The following SH3PXD2B variants were observed in gnomAD, a reference collection of about 807,000 sequenced individuals.
SH3PXD2B encodes the protein SH3 and PX domain-containing protein 2B.
In SH3PXD2B, 37 loss-of-function variants were observed where a neutral mutation model predicts 73.1. The observed-to-expected ratio is 0.51, with a 90% confidence interval of 0.39 to 0.67. The LOEUF is 0.67. Among genes scored for constraint, SH3PXD2B ranks in the 30% least tolerant of loss-of-function variants. The pLI is 0.00. For synonymous variants in SH3PXD2B, 457 were observed against 480.5 expected (o/e 0.95, Z 0.64); for missense variants, 1,053 against 1,197.8 (o/e 0.88, Z 1.78).
At chr5:172,430,695 G>GT (rs1414375206) in intron 1 of SH3PXD2B, among the ~76,000 whole-genome samples, 3 of 152,228 alleles carry the variant, frequency 2.0e-5, no homozygotes, top group African/African-American at 7.2e-5. Context: ...CTCATGGATG[G>GT]TGTTAGGTGT....
At chr5:172,350,303 G>T in intron 10 of SH3PXD2B, 60 bp downstream of exon 10, 1 of 1,550,806 alleles carries the variant, frequency 6.4e-7, no homozygotes, top group South Asian at 1.1e-5. Flanking sequence ...GAGACGCCTT[G>T]AGCACAGAGC....
intron 1 of SH3PXD2B, among the ~76,000 whole-genome samples, chr5:172,427,480 G>C (rs1454675367): frequency 6.6e-6 from 1 of 152,096 alleles, no homozygotes; most frequent in Non-Finnish European, 1.5e-5. Context: ...GAAGTAGCTG[G>C]GACTACAGGC....
At chr5:172,452,759 T>A (rs1759825439) in intron 1 of SH3PXD2B, among the ~76,000 whole-genome samples, 1 of 152,144 alleles carries the variant, frequency 6.6e-6, no homozygotes, top group Non-Finnish European at 1.5e-5. Context: ...GAAAACTGTC[T>A]TCATGCCAAA....
Position 172,347,175 on chromosome 5 carries a change from C to T in SH3PXD2B, c.1062+108G>A, listed in dbSNP as rs568567870. 47 of 1,111,840 alleles carry T rather than the reference C, an allele frequency of 4.2e-5. No individual in the cohort carries two copies. In the African/African-American group the frequency reaches 6.9e-4, roughly 16 times the overall value. 68.9% of individuals were successfully genotyped at this position (1,111,840 alleles called of 1,614,324 possible). A position where few individuals can be genotyped will look rare whatever the true frequency, so the allele number is the denominator to read the frequency against. On this transcript the variant is annotated intron_variant, in intron 11 of 12. Coordinates refer to ENST00000311601, the MANE Select transcript of SH3PXD2B (RefSeq NM_001017995.3). The stretch of plus-strand genomic sequence containing the variant: ...CTGCTTCACAAGGCTGTTGTGTGGA[C>T]AGGAAAGAGAGCATTTCTGGAAGGG...
intron 6 of SH3PXD2B, among the ~76,000 whole-genome samples, chr5:172,373,388 G>T (rs1157974198): frequency 6.6e-6 from 1 of 152,190 alleles, no homozygotes; most frequent in African/African-American, 2.4e-5. Flanking sequence ...ATATTGCTCT[G>T]TATAAAGTGG....
chr5:172,420,184 T>G (rs1758927421), intron 2 of SH3PXD2B, among the ~76,000 whole-genome samples: 2 of 152,244 alleles, frequency 1.3e-5, no homozygotes, highest in Non-Finnish European at 2.9e-5. Context: ...TCTTAGCATC[T>G]TTAACTTATA....
intron 1 of SH3PXD2B, among the ~76,000 whole-genome samples, chr5:172,447,569 A>G (rs959550864): frequency 6.6e-6 from 1 of 152,134 alleles, no homozygotes; most frequent in Non-Finnish European, 1.5e-5. Context: ...AATTGGAACT[A>G]TTTTTATCCT....
chr5:172,419,286 T>C (rs1028975725), intron 2 of SH3PXD2B, among the ~76,000 whole-genome samples: 1 of 151,866 alleles, frequency 6.6e-6, no homozygotes, highest in Non-Finnish European at 1.5e-5. Context: ...ATGTCAGCAA[T>C]GAACAACATT....
At chr5:172,426,850 C>T (rs775564776) in intron 1 of SH3PXD2B, among the ~76,000 whole-genome samples, 1 of 152,210 alleles carries the variant, frequency 6.6e-6, no homozygotes, top group Non-Finnish European at 1.5e-5. Flanking sequence ...CCCGTGGCAA[C>T]ATTTGAACCC....
At chr5:172,403,306 C>G (rs1031019603) in intron 3 of SH3PXD2B, among the ~76,000 whole-genome samples, 5 of 152,256 alleles carry the variant, frequency 3.3e-5, no homozygotes, top group East Asian at 3.8e-4. Flanking sequence ...TCCCCTCCCC[C>G]GCCTTTGTGC....
In SH3PXD2B at chr5:172,335,744, A is replaced by G. The variant is rs1056456035; in HGVS notation, c.*2625T>C. 7 of 1,231,098 alleles carry G rather than the reference A, an allele frequency of 5.7e-6. No homozygotes were observed. Among genetic ancestry groups the G allele is most frequent in the Non-Finnish European group, 7.1e-6 (7 of 987,728 alleles). The allele number at this position is 1,231,098 out of a possible 1,614,324, so 76.3% of individuals were successfully genotyped here. On this transcript the variant is annotated 3_prime_UTR_variant, in exon 13 of 13. Coordinates refer to ENST00000311601, the MANE Select transcript of SH3PXD2B (RefSeq NM_001017995.3). ...TGGGGTAAATCTAAGTCCCCAGGCA[A>G]GGACAGCTAGGAGAGTGACTGGCCA...
intron 3 of SH3PXD2B, among the ~76,000 whole-genome samples, chr5:172,397,685 G>GGCACCCAACATGGTCTTTCTTTTT (rs1758335732): frequency 6.6e-6 from 1 of 152,202 alleles, no homozygotes; most frequent in Admixed American, 6.5e-5. Flanking sequence ...CCCGATATCT[G>GGCACCCAACATGGTCTTTCTTTTT]GCACCCAACA....
At chr5:172,438,236 C>G (rs928937338) in intron 1 of SH3PXD2B, among the ~76,000 whole-genome samples, 8 of 152,174 alleles carry the variant, frequency 5.3e-5, no homozygotes, top group African/African-American at 1.9e-4. Flanking sequence ...TCCTTGGAAG[C>G]CTTCCTGGAC....
At chr5:172,453,880 G>C (rs1300612960) in intron 1 of SH3PXD2B, among the ~76,000 whole-genome samples, 1 of 152,152 alleles carries the variant, frequency 6.6e-6, no homozygotes, top group South Asian at 2.1e-4. Context: ...GACAAGGAGG[G>C]GCAAGGCGGG....
chr5:172,453,347 C>A (rs1759845432), intron 1 of SH3PXD2B, among the ~76,000 whole-genome samples: 2 of 152,198 alleles, frequency 1.3e-5, no homozygotes, highest in Non-Finnish European at 1.5e-5. Context: ...TGAGGCCCTC[C>A]CCAAGGCCTC....
chr5:172,422,596 G>A (rs956548576), intron 1 of SH3PXD2B, 100 bp from the exon 2 acceptor site: 6 of 1,138,106 alleles, frequency 5.3e-6, no homozygotes, highest in Non-Finnish European at 7.7e-6. Context: ...GAAAGACGTG[G>A]GTTTCAGCCT....
chr5:172,329,083 A>T (rs1808387), downstream of SH3PXD2B, among the ~76,000 whole-genome samples: 25,083 of 61,710 alleles, frequency 0.41, 5,925 homozygotes, highest in South Asian at 0.53. Context: ...ATATATATAT[A>T]TTTTTTTTTT....
intron 2 of SH3PXD2B, among the ~76,000 whole-genome samples, chr5:172,419,415 AG>A (rs1261099193): frequency 2.0e-5 from 3 of 152,250 alleles, no homozygotes; most frequent in Admixed American, 6.5e-5. Context: ...ACTATGATCC[AG>A]GGCCCTTAGG....
Position 172,339,673 on chromosome 5 carries a change from T to A in SH3PXD2B, c.1432A>T (p.Met478Leu), listed in dbSNP as rs770039296. The change falls in exon 13 of 13, where the codon ATG (methionine) becomes TTG (leucine). Residue 478 changes from methionine (M) to leucine (L), a missense_variant. Coordinates refer to ENST00000311601, the MANE Select transcript of SH3PXD2B (RefSeq NM_001017995.3). The surrounding 1 kb of genome is among the most constrained non-coding windows in gnomAD (Gnocchi z 6.1). ...RPLPDAPHGVMDSGLPWSKDW... is the reference protein window; with the variant it reads ...RPLPDAPHGVLDSGLPWSKDW... ...TTAGACCATGGCAACCCCGAGTCCA[T>A]GACACCATGCGGTGCGTCAGGCAGG... The A allele has an allele frequency of 6.2e-7, 1 of 1,614,110 alleles. No individual in the cohort carries two copies. Among genetic ancestry groups the A allele is most frequent in the African/African-American group, 1.3e-5 (1 of 74,946 alleles).
Sources: gnomAD v4.1 joint callset for allele counts (sites outside exome capture counted in the v4.1 genomes callset) on GRCh38, gnomAD v4.1.1 for gene constraint, Gnocchi (gnomAD v3.1) non-coding constraint, MANE v1.5 for transcripts, NCBI Gene and HGNC (gene_info 2026-07-23, HGNC 2026-07-21) for gene names.